The following MCM6 variants were observed in gnomAD, a reference collection of about 807,000 sequenced individuals.
MCM6 encodes DNA replication licensing factor MCM6.
In MCM6, 46 loss-of-function variants were observed where a neutral mutation model predicts 94.3. That is an observed-to-expected ratio of 0.49 (90% confidence interval 0.39 to 0.62). MCM6 has a LOEUF of 0.62. Ranked by LOEUF, MCM6 falls within the 20% of genes least tolerant of loss-of-function variation. The pLI is 0.00. For synonymous variants in MCM6, 335 were observed against 351.9 expected (o/e 0.95, Z 0.54); for missense variants, 865 against 1,017.9 (o/e 0.85, Z 2.04).
chr2:135,852,729 T>A, intron 12 of MCM6, 58 bp downstream of exon 12: 1 of 1,226,472 alleles, frequency 8.2e-7, no homozygotes, highest in Non-Finnish European at 1.1e-6. Flanking sequence ...ACACACTTAC[T>A]TAAATTCCAC....
rs1394168262 is a variant in MCM6 at position 135,840,854 on chromosome 2, T to C, written c.2447A>G (p.Asn816Ser). 1.9e-5 allele frequency: 30 copies of C among 1,613,286 alleles called. No homozygotes were observed. The highest frequency in any genetic ancestry group is 2.5e-5 in the Non-Finnish European group (29 of 1,179,194). ...ACTATCTCAATCTTCGAGCAAGTAG[T>C]TAGGGTTAACTACCAAGTAGGGATC... ...EEDPYLVVNP[N>S]YLLED The change falls in exon 17 of 17, where the codon AAC becomes AGC. Residue 816 changes from asparagine to serine, a missense_variant. Asn to Ser is a conservative substitution (Grantham distance 46, BLOSUM62 1). Around this residue, in one of 3 missense-constraint regions of MCM6, gnomAD observed 308 missense variants for 324.5 expected, o/e 0.95. Transcript: ENST00000264156.
chr2:135,856,765 A>C lies in MCM6; in HGVS notation c.1589T>G (p.Phe530Cys). The change falls in exon 11 of 17, where the codon TTC becomes TGC. Residue 530 changes from phenylalanine to cysteine, a missense_variant. Phe to Cys is a radical substitution (Grantham distance 205, BLOSUM62 -2). Around this residue, in one of 3 missense-constraint regions of MCM6, gnomAD observed 153 missense variants for 241.5 expected, o/e 0.63. Transcript: ENST00000264156. ...ATCCACAAGGATAAAGAAGAGATCG[A>C]ATCGGGACATGATGGGAGCTGACAA... ...INLSAPIMSR[F>C]DLFFILVDEC... 1 of 1,614,240 alleles carries C rather than the reference A, an allele frequency of 6.2e-7. No individual in the cohort carries two copies. The highest frequency in any genetic ancestry group is 8.5e-7 in the Non-Finnish European group (1 of 1,180,038).
intron 8 of MCM6, among the ~76,000 whole-genome samples, chr2:135,861,214 CAAAGA>C (rs962087726): frequency 6.6e-6 from 1 of 152,046 alleles, no homozygotes; most frequent in Non-Finnish European, 1.5e-5. Flanking sequence ...ATTTCCAAAA[CAAAGA>C]AAAGGCAGCT....
chr2:135,853,803 T>C (rs1427606364), intron 11 of MCM6, among the ~76,000 whole-genome samples: 1 of 152,004 alleles, frequency 6.6e-6, no homozygotes, highest in Non-Finnish European at 1.5e-5. Context: ...TGCAGATATA[T>C]ACAGACAGTA....
intron 12 of MCM6, among the ~76,000 whole-genome samples, chr2:135,852,253 CA>C (rs1418969904): frequency 6.6e-6 from 1 of 152,162 alleles, no homozygotes; most frequent in Non-Finnish European, 1.5e-5. Flanking sequence ...GTGAAAATCT[CA>C]ACCAGAATGA....
At chr2:135,874,025 AGAG>A (rs1372141981) in intron 1 of MCM6, among the ~76,000 whole-genome samples, 3 of 152,194 alleles carry the variant, frequency 2.0e-5, no homozygotes, top group Non-Finnish European at 2.9e-5. Flanking sequence ...CAAACAGGAA[AGAG>A]GAGTGATGAA....
chr2:135,862,136 G>C (rs1221187282), intron 8 of MCM6, among the ~76,000 whole-genome samples: 1 of 151,796 alleles, frequency 6.6e-6, no homozygotes, highest in Non-Finnish European at 1.5e-5. Flanking sequence ...AAAGACAATT[G>C]TGAAAATGAC....
At position 135,869,402 on chromosome 2, in the gene MCM6, G is replaced by GAAA. The variant is rs1454791999; in HGVS notation, c.366-545_366-543dup. ...GGTGACAGAGCAAGACTCTGTCTCA[G>GAAA]AAAAAAAAAAAAACAAAAACAGAAT... On this transcript the variant is annotated intron_variant, in intron 3 of 16. Transcript: ENST00000264156. Among the ~76,000 whole-genome samples, 52 of 47,654 alleles carry GAAA rather than the reference G, an allele frequency of 1.1e-3. 1 individual carries two copies. Among genetic ancestry groups the GAAA allele is most frequent in the African/African-American group, 3.2e-3 (48 of 15,146 alleles). 31.3% of individuals were successfully genotyped at this position (47,654 alleles called of 152,430 possible).
intron 4 of MCM6, 33 bp downstream of exon 4, chr2:135,868,578 G>A: frequency 6.3e-7 from 1 of 1,597,802 alleles, no homozygotes; most frequent in African/African-American, 1.3e-5. Context: ...TATCATAGAT[G>A]GACTCTGATC....
At chr2:135,856,925 T>C (rs781598068) in intron 10 of MCM6, 42 bp from the exon 11 acceptor site, 24 of 1,559,046 alleles carry the variant, frequency 1.5e-5, no homozygotes, top group African/African-American at 1.4e-5. Context: ...TAAATAGACA[T>C]CAGCCAATAA....
In MCM6 at chr2:135,848,582, T is replaced by C. The variant is rs1386986027; in HGVS notation, c.1918-394A>G. Among the ~76,000 whole-genome samples the C allele has an allele frequency of 2.0e-5, 3 of 152,030 alleles. No individual in the cohort carries two copies. In the East Asian group the frequency reaches 5.8e-4, roughly 29 times the overall value. ...TACATATCATATGAATCCAAAGACA[T>C]ATACATCCCATAAGAACTAGGCCAG... On this transcript the variant is annotated intron_variant, in intron 13 of 16. Transcript: ENST00000264156.
At chr2:135,864,927 T>C in intron 7 of MCM6, 86 bp downstream of exon 7, 1 of 1,099,308 alleles carries the variant, frequency 9.1e-7, no homozygotes, top group Non-Finnish European at 1.2e-6. Context: ...CACAGTCTGA[T>C]TTATGTGCTT....
At chr2:135,846,442 C>T in intron 14 of MCM6, 50 bp from the exon 15 acceptor site, 1 of 1,514,896 alleles carries the variant, frequency 6.6e-7, no homozygotes, top group East Asian at 2.3e-5. Context: ...CCTTAACATC[C>T]CCTTGTCAAG....
intron 3 of MCM6, 63 bp downstream of exon 3, chr2:135,870,188 G>GT: frequency 8.2e-7 from 1 of 1,218,936 alleles, no homozygotes; most frequent in East Asian, 2.3e-5. Context: ...TTTTCTGACT[G>GT]TCAGCTAAGT....
intron 14 of MCM6, among the ~76,000 whole-genome samples, chr2:135,847,030 A>C (rs2105573621): frequency 6.6e-6 from 1 of 152,092 alleles, no homozygotes; most frequent in African/African-American, 2.4e-5. Context: ...CAAAAAACAA[A>C]CAAAAAAAAA....
intron 2 of MCM6, among the ~76,000 whole-genome samples, chr2:135,872,151 A>G (rs1484312892): frequency 6.6e-6 from 1 of 152,226 alleles, no homozygotes; most frequent in African/African-American, 2.4e-5. Context: ...TTTGAAAAAA[A>G]AAGTTCAGCT....
chr2:135,843,745 A>C (rs1018237059), intron 16 of MCM6, among the ~76,000 whole-genome samples: 1 of 150,632 alleles, frequency 6.6e-6, no homozygotes, highest in African/African-American at 2.4e-5. Context: ...AAAAAAAAAA[A>C]AAACAAAACC....
In MCM6 at chr2:135,844,530, C is replaced by T; in HGVS notation, c.2349+15G>A. 1.3e-6 allele frequency: 2 copies of T among 1,487,390 alleles called. No individual in the cohort carries two copies. Among genetic ancestry groups the T allele is most frequent in the Non-Finnish European group, 1.8e-6 (2 of 1,118,182 alleles). 92.1% of individuals were successfully genotyped at this position (1,487,390 alleles called of 1,614,324 possible). On this transcript the variant is annotated intron_variant, in intron 16 of 16. Coordinates refer to ENST00000264156, the MANE Select transcript of MCM6 (RefSeq NM_005915.6). ...TCCCTCCCTGATACCAGAGCACGCG[C>T]ACTTCTGCACCTACATAGTGTGTGA...
chr2:135,872,662 C>T, intron 2 of MCM6, 35 bp downstream of exon 2: 1 of 1,605,974 alleles, frequency 6.2e-7, no homozygotes, highest in East Asian at 2.2e-5. Context: ...GATTTCAACC[C>T]CTATTCAAAG....
Sources: gnomAD v4.1 joint callset for allele counts (sites outside exome capture counted in the v4.1 genomes callset) on GRCh38, gnomAD v4.1.1 for gene constraint, gnomAD v4.1.1 regional missense constraint, MANE v1.5 for transcripts, NCBI Gene and HGNC (gene_info 2026-07-23, HGNC 2026-07-21) for gene names.